B3GLCT: variants seen among roughly 807,000 people sequenced by gnomAD.
The protein encoded by B3GLCT is beta 3-glucosyltransferase, also known as beta-1,3-glucosyltransferase.
A neutral mutation model predicts 63.4 loss-of-function variants in B3GLCT; 65 were observed. That is an observed-to-expected ratio of 1.03 (90% CI 0.84 to 1.26). The LOEUF (loss-of-function observed/expected upper bound fraction) is 1.26, where lower values mean the gene tolerates loss of function less well. Ranked by LOEUF, B3GLCT falls within the 50% of genes most tolerant of loss-of-function variation. The pLI, the probability that B3GLCT is intolerant of heterozygous loss-of-function variation, is 0.00. For missense variants in B3GLCT, 577 were observed against 604.8 expected (o/e 0.95, Z 0.48); for synonymous variants, 233 against 219.2 (o/e 1.06, Z -0.55).
At chr13:31,284,618 C>T (rs749517667) in intron 10 of B3GLCT, 30 bp from the exon 11 acceptor site, 4 of 1,196,576 alleles carry the variant, frequency 3.3e-6, no homozygotes, top group South Asian at 2.4e-5. Flanking sequence ...GTAACTGTGC[C>T]AGTGATTGTC....
chr13:31,239,611 C>T (rs571835232), intron 4 of B3GLCT, among the ~76,000 whole-genome samples: 82 of 151,534 alleles, frequency 5.4e-4, no homozygotes, highest in African/African-American at 1.6e-3. Context: ...AAAGAGCAAA[C>T]AGCTCAGGTT....
In B3GLCT at chr13:31,229,771, G is replaced by A. The variant is rs1485693379; in HGVS notation, c.270+477G>A. The stretch of plus-strand genomic sequence containing the variant: ...CTCAAAAAAAAAAAAGGAAAAAAAC[G>A]TTTTGGTTAATTCCTAATGCACAAA... On this transcript the variant is annotated intron_variant, in intron 4 of 14. Coordinates refer to ENST00000343307, the MANE Select transcript of B3GLCT (RefSeq NM_194318.4). Among the ~76,000 whole-genome samples the A allele has an allele frequency of 4.7e-5, 7 of 149,318 alleles. No individual in the cohort carries two copies. In the South Asian group the frequency reaches 1.3e-3, roughly 27 times the overall value.
rs9564351 is a variant in B3GLCT, at chr13:31,210,812, A to G, written c.71-4239A>G. Reference sequence around the variant, plus strand: ...CAGGCTGGAGTGAAGTGGCATGATCATAGTTTACTGCAGCCTGGAACTTTT... The same window carrying G: ...CAGGCTGGAGTGAAGTGGCATGATCGTAGTTTACTGCAGCCTGGAACTTTT... On this transcript the variant is annotated intron_variant, in intron 1 of 14. Transcript: ENST00000343307. 6.4e-3 allele frequency among the ~76,000 whole-genome samples: 967 copies of G among 152,138 alleles called. 60 individuals carry two copies. In the East Asian group the frequency reaches 0.14, roughly 23 times the overall value.
At chr13:31,308,422 G>A (rs929663170) in intron 12 of B3GLCT, among the ~76,000 whole-genome samples, 1 of 150,882 alleles carries the variant, frequency 6.6e-6, no homozygotes, top group African/African-American at 2.4e-5. Context: ...ATAATTTGGG[G>A]TGTTCTACTT....
chr13:31,239,152 G>T lies in B3GLCT; in HGVS notation c.271-7871G>T, dbSNP rs35493623. ...AGTTTGTGGGATGGGTAAAGTGTGT[G>T]TTGGGAGTGGAATGTGATCTTTGTA... On this transcript the variant is annotated intron_variant, in intron 4 of 14. Coordinates refer to ENST00000343307, the MANE Select transcript of B3GLCT (RefSeq NM_194318.4). Among the ~76,000 whole-genome samples the T allele has an allele frequency of 6.5e-3, 986 of 152,332 alleles. 5 individuals carry two copies. The highest frequency in any genetic ancestry group is 0.024 in the Middle Eastern group (7 of 294).
At chr13:31,271,599 G>A (rs1872577169) in intron 8 of B3GLCT, among the ~76,000 whole-genome samples, 1 of 152,116 alleles carries the variant, frequency 6.6e-6, no homozygotes, top group South Asian at 2.1e-4. Context: ...TATTATTGTA[G>A]TCTATACAAC....
chr13:31,200,890 C>T (rs1288197459), intron 1 of B3GLCT, among the ~76,000 whole-genome samples: 1 of 152,120 alleles, frequency 6.6e-6, no homozygotes, highest in Non-Finnish European at 1.5e-5. Flanking sequence ...TCAGGGGACA[C>T]GTCTGCGAGC....
Position 31,269,226 on chromosome 13 carries a change from A to G in B3GLCT, c.609A>G (p.Arg203=). ...SIPLVNKLTK[R]LKSESLKSDF... ...CTCTATTTTCTAGGCTTACCAAGAG[A>G]CTAAAGAGTGAATCCTTGAAATCCG... Residue 203 remains arginine (R), a synonymous_variant, in exon 8 of 15, where the codon AGA becomes AGG. Transcript: ENST00000343307. 6.2e-7 allele frequency: 1 copy of G among 1,609,468 alleles called. No individual in the cohort carries two copies. The highest frequency in any genetic ancestry group is 8.5e-7 in the Non-Finnish European group (1 of 1,175,950).
chr13:31,226,592 CT>C (rs953314190), intron 3 of B3GLCT, among the ~76,000 whole-genome samples: 5 of 151,142 alleles, frequency 3.3e-5, no homozygotes, highest in Non-Finnish European at 7.4e-5. Flanking sequence ...CAGGATTAAG[CT>C]TTTTTTTTAT....
At chr13:31,270,920 G>A (rs1468656211) in intron 8 of B3GLCT, among the ~76,000 whole-genome samples, 2 of 151,940 alleles carry the variant, frequency 1.3e-5, no homozygotes, top group African/African-American at 4.9e-5. Flanking sequence ...TAAGTGAAAG[G>A]AAAGCTCTCA....
chr13:31,208,170 C>G (rs1869061999), intron 1 of B3GLCT, among the ~76,000 whole-genome samples: 2 of 151,902 alleles, frequency 1.3e-5, no homozygotes, highest in African/African-American at 2.4e-5. Flanking sequence ...GGGCCCCGGC[C>G]CGGGTCTCCT....
intron 9 of B3GLCT, among the ~76,000 whole-genome samples, chr13:31,275,313 CT>C: frequency 6.6e-6 from 1 of 152,360 alleles, no homozygotes; most frequent in East Asian, 1.9e-4. Context: ...CAAGTGCTTG[CT>C]TATGGCTACA....
chr13:31,265,309 G>C (rs1322488005), intron 7 of B3GLCT, among the ~76,000 whole-genome samples: 2 of 152,138 alleles, frequency 1.3e-5, no homozygotes, highest in Non-Finnish European at 2.9e-5. Context: ...TAATTGTTGG[G>C]CTCAATATTA....
chr13:31,309,258 A>G (rs1874571929), intron 12 of B3GLCT, among the ~76,000 whole-genome samples: 1 of 152,214 alleles, frequency 6.6e-6, no homozygotes, highest in African/African-American at 2.4e-5. Flanking sequence ...AAACTCTCAG[A>G]ACATTTTTTT....
At chr13:31,225,131 C>T (rs1332577215) in intron 3 of B3GLCT, among the ~76,000 whole-genome samples, 1 of 152,208 alleles carries the variant, frequency 6.6e-6, no homozygotes, top group Non-Finnish European at 1.5e-5. Flanking sequence ...GCCTGTCACT[C>T]TGATTATTAT....
At chr13:31,250,621 C>G (rs948631735) in intron 6 of B3GLCT, among the ~76,000 whole-genome samples, 9 of 152,254 alleles carry the variant, frequency 5.9e-5, no homozygotes, top group African/African-American at 2.2e-4. Flanking sequence ...TGGAGCCCAC[C>G]ACAGCGAGGC....
At chr13:31,245,373 T>C (rs533505124) in intron 4 of B3GLCT, among the ~76,000 whole-genome samples, 9 of 152,312 alleles carry the variant, frequency 5.9e-5, no homozygotes, top group African/African-American at 1.9e-4. Flanking sequence ...GGTGCATTCA[T>C]TTTCCTTCAA....
At chr13:31,302,523 A>G (rs1430503311) in intron 12 of B3GLCT, among the ~76,000 whole-genome samples, 2 of 129,408 alleles carry the variant, frequency 1.5e-5, no homozygotes, top group Non-Finnish European at 3.3e-5. Flanking sequence ...GGGAAGCGCA[A>G]GGGGTCAGGG....
chr13:31,278,439 T>C (rs1281372696), intron 10 of B3GLCT, among the ~76,000 whole-genome samples: 3 of 152,172 alleles, frequency 2.0e-5, no homozygotes, highest in Non-Finnish European at 4.4e-5. Flanking sequence ...AAAAGCCTAT[T>C]AGGAGCATTA....
Sources: gnomAD v4.1 joint callset for allele counts (sites outside exome capture counted in the v4.1 genomes callset) on GRCh38, gnomAD v4.1.1 for gene constraint, MANE v1.5 for transcripts, NCBI Gene and HGNC (gene_info 2026-07-23, HGNC 2026-07-21) for gene names.